The following ESR1 variants were observed in gnomAD, a reference collection of about 807,000 sequenced individuals.
ESR1 encodes estrogen receptor 1.
ESR1 carries 12 observed loss-of-function variants against 52.7 expected under a neutral mutation model. The ratio of observed to expected loss-of-function variants is 0.23; its 90% CI spans 0.15 to 0.37. ESR1 has a LOEUF of 0.37. ESR1 is among the 10% of genes least tolerant of loss of function. The pLI, the probability that ESR1 is intolerant of heterozygous loss-of-function variation, is 1.00. For synonymous variants in ESR1, 305 were observed against 316.8 expected (o/e 0.96, Z 0.39); for missense variants, 584 against 779.7 (o/e 0.75, Z 2.99).
At chr6:152,122,010 T>C (rs560397595) in intron 6 of ESR1, 1 of 232,236 alleles carries the variant, frequency 4.3e-6, no homozygotes, top group South Asian at 7.0e-5. Flanking sequence ...CACTGGTTGG[T>C]TGGTAGATTG....
chr6:151,809,573 G>A (rs1032099462), intron 1 of ESR1, among the ~76,000 whole-genome samples: 1 of 152,162 alleles, frequency 6.6e-6, no homozygotes, highest in African/African-American at 2.4e-5. Flanking sequence ...TGCCTTGTAA[G>A]CCGTGGACCA....
intron 3 of ESR1, among the ~76,000 whole-genome samples, chr6:151,882,598 C>T (rs1441382065): frequency 1.3e-5 from 2 of 152,096 alleles, no homozygotes; most frequent in East Asian, 3.9e-4. Flanking sequence ...ACAGTGGAGT[C>T]GAGGTTTAAT....
intron 4 of ESR1, among the ~76,000 whole-genome samples, chr6:152,007,371 G>A (rs1192076192): frequency 4.6e-5 from 7 of 151,990 alleles, no homozygotes; most frequent in Non-Finnish European, 1.0e-4. Flanking sequence ...AGGCAGGGAT[G>A]TCTGTGCTTG....
intron 5 of ESR1, among the ~76,000 whole-genome samples, chr6:152,060,669 C>T (rs559009589): frequency 1.3e-5 from 2 of 152,232 alleles, no homozygotes; most frequent in South Asian, 2.1e-4. Flanking sequence ...TTAGATAAAT[C>T]GTTTACCCAG....
At chr6:152,064,232 T>C (rs1007990421) in intron 6 of ESR1, among the ~76,000 whole-genome samples, 2 of 151,794 alleles carry the variant, frequency 1.3e-5, no homozygotes, top group African/African-American at 4.8e-5. Context: ...GTAGGGCAAA[T>C]CAGAACAGAA....
At chr6:151,918,191 C>G (rs1226931073) in intron 3 of ESR1, among the ~76,000 whole-genome samples, 1 of 152,190 alleles carries the variant, frequency 6.6e-6, no homozygotes, top group Non-Finnish European at 1.5e-5. Flanking sequence ...GCTCCCTTCC[C>G]TCATTGCTGA....
At chr6:151,897,549 C>T (rs1795736447) in intron 3 of ESR1, among the ~76,000 whole-genome samples, 1 of 152,042 alleles carries the variant, frequency 6.6e-6, no homozygotes, top group African/African-American at 2.4e-5. Flanking sequence ...TTTTCCACAC[C>T]CTTACCTTAA....
intron 5 of ESR1, among the ~76,000 whole-genome samples, chr6:152,025,119 G>A (rs1311702537): frequency 6.6e-6 from 1 of 151,042 alleles, no homozygotes; most frequent in East Asian, 1.9e-4. Context: ...ACTTTTAATA[G>A]GAATGAAGGT....
intron 5 of ESR1, among the ~76,000 whole-genome samples, chr6:152,040,053 C>A (rs2045656739): frequency 6.6e-6 from 1 of 152,220 alleles, no homozygotes; most frequent in Non-Finnish European, 1.5e-5. Context: ...CCAGTGAAGA[C>A]AAACCACTGT....
intron 1 of ESR1, among the ~76,000 whole-genome samples, chr6:151,837,675 C>T (rs1401348897): frequency 6.6e-6 from 1 of 152,176 alleles, no homozygotes; most frequent in African/African-American, 2.4e-5. Context: ...AGAATCTCTA[C>T]AGGCATCTGT....
At chr6:152,025,539 G>T (rs1348366248) in intron 5 of ESR1, among the ~76,000 whole-genome samples, 2 of 151,846 alleles carry the variant, frequency 1.3e-5, no homozygotes, top group African/African-American at 4.8e-5. Flanking sequence ...TTGGACAAAT[G>T]ATTTCTGATG....
intron 1 of ESR1, among the ~76,000 whole-genome samples, chr6:151,825,366 G>C (rs968245256): frequency 6.6e-6 from 1 of 152,120 alleles, no homozygotes; most frequent in African/African-American, 2.4e-5. Flanking sequence ...GTGAACAAAA[G>C]GATATGCATG....
At chr6:152,089,567 G>A (rs2050013625) in intron 6 of ESR1, among the ~76,000 whole-genome samples, 1 of 152,168 alleles carries the variant, frequency 6.6e-6, no homozygotes, top group Non-Finnish European at 1.5e-5. Flanking sequence ...CCATGTGAAA[G>A]CTTTTCAAAA....
intron 2 of ESR1, 97 bp from the exon 3 acceptor site, chr6:151,880,558 A>G: frequency 1.3e-6 from 1 of 798,752 alleles, no homozygotes; most frequent in East Asian, 2.4e-5. Flanking sequence ...AAGGCTGAGG[A>G]AGTGATAGGA....
intron 1 of ESR1, among the ~76,000 whole-genome samples, chr6:151,678,938 G>C (rs1387888328): frequency 6.6e-6 from 1 of 152,046 alleles, no homozygotes; most frequent in Non-Finnish European, 1.5e-5. Flanking sequence ...ACCCGCCTCG[G>C]CCTCCCAAAG....
chr6:151,989,533 A>C (rs2040821133), intron 4 of ESR1, among the ~76,000 whole-genome samples: 1 of 152,130 alleles, frequency 6.6e-6, no homozygotes, highest in Non-Finnish European at 1.5e-5. Flanking sequence ...GTACAGGGCA[A>C]TGAAAGGAAA....
At chr6:151,866,567 A>G (rs540659935) in intron 2 of ESR1, among the ~76,000 whole-genome samples, 2 of 152,052 alleles carry the variant, frequency 1.3e-5, no homozygotes, top group African/African-American at 4.8e-5. Flanking sequence ...TATGAGCGAG[A>G]ACATGCAGTG....
intron 1 of ESR1, among the ~76,000 whole-genome samples, chr6:151,817,434 T>C (rs918972515): frequency 1.3e-5 from 2 of 152,138 alleles, no homozygotes; most frequent in African/African-American, 4.8e-5. Context: ...TTGCTGTTGT[T>C]CTAACCATGA....
At chr6:151,759,268 C>CAAAA (rs984171376) in intron 2 of ESR1, among the ~76,000 whole-genome samples, 3 of 66,400 alleles carry the variant, frequency 4.5e-5, no homozygotes, top group Non-Finnish European at 1.0e-4. Context: ...GACTCTGTCT[C>CAAAA]AAAAAAAAAA....
Sources: gnomAD v4.1 joint callset for allele counts (sites outside exome capture counted in the v4.1 genomes callset) on GRCh38, gnomAD v4.1.1 for gene constraint, MANE v1.5 for transcripts, NCBI Gene and HGNC (gene_info 2026-07-23, HGNC 2026-07-21) for gene names.